The following NALF1 variants were observed in gnomAD, a reference collection of about 807,000 sequenced individuals.
NALF1 encodes the protein NALCN channel auxiliary factor 1, also known as family with sequence similarity 155 member A.
Under a neutral mutation model 48.4 loss-of-function variants are expected in NALF1, and 3 were observed. The observed-to-expected ratio is 0.06, with a 90% CI of 0.03 to 0.16. NALF1 has a LOEUF of 0.16. Among genes scored for constraint, NALF1 ranks in the 10% least tolerant of loss-of-function variants. NALF1 has a pLI of 1.00. For missense variants in NALF1, 526 were observed against 571.5 expected, an observed-to-expected ratio of 0.92 and a Z score of 0.81; for synonymous variants, 262 against 245.7, an observed-to-expected ratio of 1.07 and a Z score of -0.62.
intron 1 of NALF1, among the ~76,000 whole-genome samples, chr13:107,495,376 T>C (rs1188864906): frequency 1.3e-5 from 2 of 152,216 alleles, no homozygotes; most frequent in Non-Finnish European, 2.9e-5. Flanking sequence ...ATGAAGATTT[T>C]AATGAAACCA....
chr13:107,277,712 C>T (rs772443800), intron 1 of NALF1, among the ~76,000 whole-genome samples: 1 of 152,232 alleles, frequency 6.6e-6, no homozygotes, highest in Non-Finnish European at 1.5e-5. Context: ...TTCCCACCCA[C>T]CTACCATCAA....
intron 1 of NALF1, among the ~76,000 whole-genome samples, chr13:107,703,954 T>C (rs556345651): frequency 2.0e-5 from 3 of 152,016 alleles, no homozygotes; most frequent in Admixed American, 6.6e-5. Flanking sequence ...AAGGTTTTGG[T>C]TCTTTTTTTC....
At chr13:107,813,367 T>C (rs755324444) in intron 1 of NALF1, among the ~76,000 whole-genome samples, 14 of 152,218 alleles carry the variant, frequency 9.2e-5, no homozygotes, top group Non-Finnish European at 1.2e-4. Flanking sequence ...AAACAACACA[T>C]GGAACATATG....
At chr13:107,352,396 G>C (rs953738297) in intron 1 of NALF1, among the ~76,000 whole-genome samples, 1 of 152,128 alleles carries the variant, frequency 6.6e-6, no homozygotes, top group Admixed American at 6.5e-5. Flanking sequence ...CAACAGTGTC[G>C]TAGTCAGTTT....
chr13:107,863,937 AG>A (rs1163866751), intron 1 of NALF1, among the ~76,000 whole-genome samples: 1 of 152,216 alleles, frequency 6.6e-6, no homozygotes, highest in East Asian at 1.9e-4. Context: ...ATCAGAAATT[AG>A]GGTTTACATG....
intron 1 of NALF1, among the ~76,000 whole-genome samples, chr13:107,513,097 C>T (rs1425367201): frequency 6.6e-6 from 1 of 152,166 alleles, no homozygotes; most frequent in African/African-American, 2.4e-5. Context: ...CAAAAGAACA[C>T]ATCCTAGTGT....
At chr13:107,717,500 G>A (rs920837218) in intron 1 of NALF1, among the ~76,000 whole-genome samples, 25 of 152,008 alleles carry the variant, frequency 1.6e-4, no homozygotes, top group African/African-American at 5.5e-4. Context: ...AGGAGAAGTC[G>A]AGAAACCCTT....
At chr13:107,280,607 C>A (rs1881367696) in intron 1 of NALF1, among the ~76,000 whole-genome samples, 2 of 152,148 alleles carry the variant, frequency 1.3e-5, no homozygotes, top group South Asian at 4.1e-4. Flanking sequence ...TGTTTAATGG[C>A]AAACTATTCT....
intron 1 of NALF1, among the ~76,000 whole-genome samples, chr13:107,811,038 C>T (rs1878974001): frequency 6.6e-6 from 1 of 151,964 alleles, no homozygotes; most frequent in African/African-American, 2.4e-5. Context: ...ACAATTATAT[C>T]CTGTGATGTA....
At chr13:107,478,044 C>A (rs568692414) in intron 1 of NALF1, among the ~76,000 whole-genome samples, 9 of 152,260 alleles carry the variant, frequency 5.9e-5, no homozygotes, top group African/African-American at 2.2e-4. Flanking sequence ...GCTCCCTGCT[C>A]TCTGCGTTTA....
rs775568686 is a variant in NALF1, at chr13:107,866,018, C to T, written c.579G>A (p.Arg193=). Residue 193 remains arginine, a synonymous_variant, in exon 1 of 3, where the codon AGG becomes AGA. Transcript: ENST00000375915. The surrounding 1 kb of genome is among the most constrained non-coding windows in gnomAD (Gnocchi z 4.4). ...CCCCGGCCGCCCCCCGACTCCAGTT[C>T]CTGGCGCACACCGCGTCCGCATTCT... The part of the protein sequence containing the change: ...TVENADAVCA[R]NWSRGAAGGD... The T allele has an allele frequency of 1.2e-6, 2 of 1,612,136 alleles. No homozygotes were observed. Among genetic ancestry groups the T allele is most frequent in the Non-Finnish European group, 8.5e-7 (1 of 1,179,918 alleles).
At chr13:107,752,441 C>G (rs1427526045) in intron 1 of NALF1, among the ~76,000 whole-genome samples, 2 of 152,116 alleles carry the variant, frequency 1.3e-5, no homozygotes, top group African/African-American at 4.8e-5. Context: ...TTACCACATT[C>G]ATCACCACCC....
At chr13:107,754,396 C>G in intron 1 of NALF1, among the ~76,000 whole-genome samples, 1 of 130,878 alleles carries the variant, frequency 7.6e-6, no homozygotes, top group Middle Eastern at 3.8e-3. Context: ...CACACACACA[C>G]ACCATATATG....
At position 107,367,415 on chromosome 13, in the gene NALF1, G is replaced by A. The variant is rs368223499; in HGVS notation, c.916-156660C>T. ...GTCATTCTCCTGATGTCTTGTTTCC[G>A]GCTGAAGAGCTGGAGGACAAAGTCT... is the stretch of plus-strand genomic sequence containing the variant. On this transcript the variant is annotated intron_variant, in intron 1 of 2. Coordinates refer to ENST00000375915, the MANE Select transcript of NALF1 (RefSeq NM_001080396.3). Among the ~76,000 whole-genome samples the A allele has an allele frequency of 5.3e-4, 80 of 152,202 alleles. 1 individual carries two copies. The South Asian group carries it at 0.014, about 27-fold the overall frequency.
At chr13:107,595,797 A>G (rs1878728561) in intron 1 of NALF1, among the ~76,000 whole-genome samples, 2 of 152,178 alleles carry the variant, frequency 1.3e-5, no homozygotes, top group South Asian at 4.1e-4. Flanking sequence ...AATGCAGCCT[A>G]TTTTAACAGA....
At chr13:107,533,418 G>C (rs1354971285) in intron 1 of NALF1, among the ~76,000 whole-genome samples, 1 of 152,040 alleles carries the variant, frequency 6.6e-6, no homozygotes, top group Non-Finnish European at 1.5e-5. Flanking sequence ...TTCTGAAAAG[G>C]GCTTTCAGGT....
At chr13:107,742,297 A>G (rs1876661313) in intron 1 of NALF1, among the ~76,000 whole-genome samples, 1 of 152,212 alleles carries the variant, frequency 6.6e-6, no homozygotes, top group South Asian at 2.1e-4. Flanking sequence ...ACCTACCTAC[A>G]GTGAACATCT....
intron 1 of NALF1, among the ~76,000 whole-genome samples, chr13:107,429,423 A>G (rs996648934): frequency 9.2e-5 from 14 of 152,004 alleles, no homozygotes; most frequent in Admixed American, 5.9e-4. Flanking sequence ...GAAAGCACCA[A>G]TCGCTAAAAT....
At chr13:107,629,799 G>A (rs994805909) in intron 1 of NALF1, among the ~76,000 whole-genome samples, 3 of 151,930 alleles carry the variant, frequency 2.0e-5, no homozygotes, top group Admixed American at 6.6e-5. Flanking sequence ...TATTACTTGA[G>A]ATATATATGA....
Sources: allele counts gnomAD v4.1 joint callset (sites outside exome capture counted in the v4.1 genomes callset), GRCh38; gene constraint gnomAD v4.1.1; non-coding constraint Gnocchi (gnomAD v3.1); transcripts MANE v1.5; gene names NCBI Gene and HGNC (gene_info 2026-07-23, HGNC 2026-07-21).